Variants in PDIA6 observed in about 807,000 individuals in gnomAD.
PDIA6 encodes the protein protein disulfide isomerase family A member 6.
In PDIA6, 29 loss-of-function variants were observed where a neutral mutation model predicts 58.4. The ratio of observed to expected loss-of-function variants is 0.50; its 90% CI spans 0.37 to 0.68. The LOEUF (loss-of-function observed/expected upper bound fraction) is 0.68, where lower values mean the gene tolerates loss of function less well. Among genes scored for constraint, PDIA6 ranks in the 30% least tolerant of loss-of-function variants. The pLI, the probability that PDIA6 is intolerant of heterozygous loss-of-function variation, is 0.00. For synonymous variants in PDIA6, 192 were observed against 202.6 expected, an observed-to-expected ratio of 0.95 and a Z score of 0.44; for missense variants, 480 against 551.0, an observed-to-expected ratio of 0.87 and a Z score of 1.29.
rs371610538 is a variant in PDIA6 at position 10,793,406 on chromosome 2, CTTTT to C, written c.347-208_347-205del. Among the ~76,000 whole-genome samples the C allele has an allele frequency of 3.7e-3, 566 of 152,266 alleles. 5 individuals carry two copies. Among genetic ancestry groups the C allele is most frequent in the African/African-American group, 0.013 (547 of 41,540 alleles). On this transcript the variant is annotated intron_variant, in intron 4 of 12. Coordinates refer to ENST00000272227, the MANE Select transcript of PDIA6 (RefSeq NM_005742.4). ...ACACTTGGAAAACCAATTCCTTTTC[CTTTT>C]TTATTTATTATTATTATTTTTTGAG...
At chr2:10,812,788 C>T (rs1163590890), upstream of PDIA6, 1 of 1,262,308 alleles carries the variant, frequency 7.9e-7, no homozygotes, top group Admixed American at 4.2e-5. Flanking sequence ...CACGTCCCGC[C>T]CCAGGCCAGT....
At chr2:10,821,011 G>T (rs568533637) in intron 1 of PDIA6, 2 of 577,802 alleles carry the variant, frequency 3.5e-6, no homozygotes, top group East Asian at 2.9e-5. Context: ...ACGAAGGGGA[G>T]GGGGGTGGAT....
intron 4 of PDIA6, 83 bp from the exon 5 acceptor site, chr2:10,793,285 C>T: frequency 2.3e-6 from 2 of 874,302 alleles, no homozygotes; most frequent in South Asian, 1.4e-5. Context: ...TGTGTCTTTA[C>T]CTCACTGTCG....
rs995526148 is a variant in PDIA6 at position 10,810,220 on chromosome 2, T to C, written c.19+2458A>G. On this transcript the variant is annotated intron_variant, in intron 1 of 12. Coordinates refer to ENST00000272227, the MANE Select transcript of PDIA6 (RefSeq NM_005742.4). ...CCATTATTTCACAGACCAGGAAACT[T>C]TAACACAGAAAGGATAACTTACCTA... 6 of 1,286,102 alleles carry C rather than the reference T, an allele frequency of 4.7e-6. No individual in the cohort carries two copies. In the African/African-American group the frequency reaches 8.8e-5, roughly 19 times the overall value. The allele number at this position is 1,286,102 out of a possible 1,614,324, so 79.7% of individuals were successfully genotyped here.
chr2:10,790,138 C>T (rs1665967514), intron 7 of PDIA6, among the ~76,000 whole-genome samples: 1 of 151,964 alleles, frequency 6.6e-6, no homozygotes, highest in Admixed American at 6.6e-5. Flanking sequence ...ACCACCACAC[C>T]CGGCTAATAT....
At chr2:10,815,117 C>T (rs1667153164), upstream of PDIA6, among the ~76,000 whole-genome samples, 1 of 108,640 alleles carries the variant, frequency 9.2e-6, no homozygotes, top group Non-Finnish European at 1.9e-5. Flanking sequence ...AATGCACAGG[C>T]TTCTGGAAAT....
At chr2:10,803,911 G>GTTTTTTTTTTTTTTTTTTTTTT (rs754643092) in intron 1 of PDIA6, among the ~76,000 whole-genome samples, 1 of 117,892 alleles carries the variant, frequency 8.5e-6, no homozygotes, top group Non-Finnish European at 1.8e-5. Flanking sequence ...TAGTTTTTGT[G>GTTTTTTTTTTTTTTTTTTTTTT]TTTTTTTTTT....
At chr2:10,795,251 G>C (rs758704124) in intron 4 of PDIA6, among the ~76,000 whole-genome samples, 2 of 152,326 alleles carry the variant, frequency 1.3e-5, no homozygotes, top group Non-Finnish European at 1.5e-5. Flanking sequence ...AGGAGCCAGA[G>C]ACAATATGTT....
Position 10,784,955 on chromosome 2 carries a change from A to G in PDIA6, c.1233T>C (p.Pro411=). 2 of 1,589,508 alleles carry G rather than the reference A, an allele frequency of 1.3e-6. No individual in the cohort carries two copies. Among genetic ancestry groups the G allele is most frequent in the Non-Finnish European group, 1.7e-6 (2 of 1,166,570 alleles). Reference sequence around the variant, plus strand: ...TCACCTCGCCATCCCTGCCGTCCCAAGGCTCTCTCTCAACGATGGTAGGGA... The same window carrying G: ...TCACCTCGCCATCCCTGCCGTCCCAGGGCTCTCTCTCAACGATGGTAGGGA... ...GAFPTIVERE[P]WDGRDGELPV... is the part of the protein sequence containing the mutation. The change falls in exon 12 of 13, where the codon CCT becomes CCC. Residue 411 remains proline (P), a synonymous_variant. Transcript: ENST00000272227.
At chr2:10,835,246 C>T (rs1667807072), upstream of PDIA6, among the ~76,000 whole-genome samples, 1 of 152,170 alleles carries the variant, frequency 6.6e-6, no homozygotes, top group African/African-American at 2.4e-5. Flanking sequence ...GTGCTGTTTC[C>T]ATCCCAGGCC....
chr2:10,784,758 C>G, intron 12 of PDIA6, 176 bp downstream of exon 12: 1 of 578,642 alleles, frequency 1.7e-6, no homozygotes, highest in Non-Finnish European at 3.1e-6. Flanking sequence ...CCATGCAGCA[C>G]TTAAACTTGT....
At chr2:10,796,986 T>C in intron 4 of PDIA6, 95 bp downstream of exon 4, 1 of 1,022,630 alleles carries the variant, frequency 9.8e-7, no homozygotes, top group African/African-American at 1.6e-5. Context: ...ACAATGAGGT[T>C]GAGAACCTTG....
intron 10 of PDIA6, among the ~76,000 whole-genome samples, chr2:10,787,770 T>TA (rs990939982): frequency 1.3e-5 from 2 of 151,850 alleles, no homozygotes; most frequent in African/African-American, 4.8e-5. Context: ...AGCAAAAAGA[T>TA]AAATAGGAAG....
intron 11 of PDIA6, 78 bp from the exon 12 acceptor site, chr2:10,785,108 T>G: frequency 1.0e-6 from 1 of 989,740 alleles, no homozygotes; most frequent in South Asian, 1.4e-5. Context: ...ACTTTAAAAA[T>G]AACAGTCTGC....
At chr2:10,823,777 T>C (rs1042341540) in intron 1 of PDIA6, among the ~76,000 whole-genome samples, 2 of 151,908 alleles carry the variant, frequency 1.3e-5, no homozygotes, top group Non-Finnish European at 2.9e-5. Flanking sequence ...CCTCCAGTCA[T>C]AGGGAGTGTT....
intron 1 of PDIA6, among the ~76,000 whole-genome samples, chr2:10,831,904 T>C (rs1667719790): frequency 6.7e-6 from 1 of 150,028 alleles, no homozygotes; most frequent in Admixed American, 6.7e-5. Context: ...TCTCTCCTCA[T>C]GTGCCAGGCT....
At chr2:10,785,074 A>T in intron 11 of PDIA6, 44 bp from the exon 12 acceptor site, 3 of 1,284,868 alleles carry the variant, frequency 2.3e-6, no homozygotes, top group Non-Finnish European at 1.1e-6. Context: ...TTTACAATGG[A>T]CTGCTGGTGC....
upstream of PDIA6, among the ~76,000 whole-genome samples, chr2:10,813,705 G>A (rs1190824172): frequency 2.0e-5 from 3 of 151,710 alleles, no homozygotes; most frequent in African/African-American, 7.3e-5. Context: ...GCGGGGTCTT[G>A]GCTCACTGCA....
In PDIA6 at chr2:10,793,190, C is replaced by T; in HGVS notation, c.359G>A (p.Gly120Asp). ...RPEDYQGGRT[G>D]EAIVDAALSA... ...CAGCGCAGCATCTACAATGGCTTCA[C>T]CAGTTCTGCCACCTACAGGAGACGG... The change falls in exon 5 of 13, where the codon GGT (glycine) becomes GAT (aspartate). Residue 120 changes from glycine to aspartate, a missense_variant. Coordinates refer to ENST00000272227, the MANE Select transcript of PDIA6 (RefSeq NM_005742.4). 1.9e-6 allele frequency: 3 copies of T among 1,612,918 alleles called. No homozygotes were observed. The highest frequency in any genetic ancestry group is 3.3e-4 in the Middle Eastern group (2 of 6,056).
Sources: allele counts gnomAD v4.1 joint callset (sites outside exome capture counted in the v4.1 genomes callset), GRCh38; gene constraint gnomAD v4.1.1; transcripts MANE v1.5; gene names NCBI Gene and HGNC (gene_info 2026-07-23, HGNC 2026-07-21).